The following SIPA1L3 variants were observed in gnomAD, a reference collection of about 807,000 sequenced individuals.
SIPA1L3 encodes signal-induced proliferation-associated 1-like protein 3.
A neutral mutation model predicts 150.1 loss-of-function variants in SIPA1L3; 59 were observed. The observed-to-expected ratio is 0.39, with a 90% confidence interval of 0.32 to 0.49. The LOEUF is 0.49. Among genes scored for constraint, SIPA1L3 ranks in the 20% least tolerant of loss-of-function variants. The pLI is 0.86. For synonymous variants in SIPA1L3, 1,070 were observed against 1,077.6 expected, an observed-to-expected ratio of 0.99 and a Z score of 0.14; for missense variants, 2,211 against 2,489.5, an observed-to-expected ratio of 0.89 and a Z score of 2.38.
chr19:38,129,795 G>A (rs1277172981), intron 9 of SIPA1L3, among the ~76,000 whole-genome samples: 1 of 152,092 alleles, frequency 6.6e-6, no homozygotes, highest in African/African-American at 2.4e-5. Flanking sequence ...GGCTGGGTGT[G>A]GTGGCTCTCA....
chr19:37,991,750 C>T (rs1180033833), intron 1 of SIPA1L3, among the ~76,000 whole-genome samples: 3 of 152,214 alleles, frequency 2.0e-5, no homozygotes, highest in African/African-American at 7.2e-5. Flanking sequence ...TGACCCTCCA[C>T]CTGATGCTTT....
intron 1 of SIPA1L3, among the ~76,000 whole-genome samples, chr19:37,956,489 T>TTG (rs2145564370): frequency 6.8e-6 from 1 of 147,826 alleles, no homozygotes; most frequent in South Asian, 2.2e-4. Context: ...AAAGTTTTGT[T>TTG]TTTTTTTTTT....
At chr19:37,927,737 T>C (rs1236622255) in intron 1 of SIPA1L3, among the ~76,000 whole-genome samples, 2 of 151,874 alleles carry the variant, frequency 1.3e-5, no homozygotes, top group Admixed American at 6.6e-5. Context: ...GGTGTGTGTG[T>C]GTGTGTGTGT....
intron 1 of SIPA1L3, among the ~76,000 whole-genome samples, chr19:37,967,134 A>G (rs1038457902): frequency 1.3e-5 from 2 of 151,884 alleles, no homozygotes; most frequent in African/African-American, 4.8e-5. Context: ...CCCCTCCCTC[A>G]GCTGCTGGTG....
At chr19:38,194,461 C>A (rs1302817799) in intron 18 of SIPA1L3, among the ~76,000 whole-genome samples, 1 of 152,102 alleles carries the variant, frequency 6.6e-6, no homozygotes, top group Non-Finnish European at 1.5e-5. Context: ...TGTTTAGGGT[C>A]CATAGTCCCC....
At chr19:38,161,340 C>CAA (rs952754406) in intron 13 of SIPA1L3, among the ~76,000 whole-genome samples, 24 of 46,266 alleles carry the variant, frequency 5.2e-4, no homozygotes, top group Admixed American at 8.4e-4. Context: ...GACTCCGTCT[C>CAA]AAAAAAAAAA....
chr19:38,085,656 T>A (rs1970112108), intron 3 of SIPA1L3, among the ~76,000 whole-genome samples: 1 of 152,192 alleles, frequency 6.6e-6, no homozygotes, highest in Admixed American at 6.5e-5. Flanking sequence ...TTGTGAACCT[T>A]CGTATACCTG....
intron 2 of SIPA1L3, among the ~76,000 whole-genome samples, chr19:38,068,091 C>T (rs1385235240): frequency 6.7e-6 from 1 of 149,830 alleles, no homozygotes; most frequent in Non-Finnish European, 1.5e-5. Context: ...GGCGCTATCT[C>T]GGCTCACTGC....
At chr19:37,996,187 CAA>C (rs1967635576) in intron 1 of SIPA1L3, among the ~76,000 whole-genome samples, 1 of 152,048 alleles carries the variant, frequency 6.6e-6, no homozygotes, top group African/African-American at 2.4e-5. Flanking sequence ...CTTGGCCAAC[CAA>C]AGTGTTGGGA....
chr19:38,188,526 C>A (rs1372290000), intron 16 of SIPA1L3, among the ~76,000 whole-genome samples: 1 of 152,054 alleles, frequency 6.6e-6, no homozygotes, highest in Non-Finnish European at 1.5e-5. Flanking sequence ...GATGTCCAGT[C>A]CTGTCAGTCA....
chr19:38,028,497 T>G (rs1331299900), intron 1 of SIPA1L3, among the ~76,000 whole-genome samples: 1 of 152,138 alleles, frequency 6.6e-6, no homozygotes, highest in Admixed American at 6.5e-5. Flanking sequence ...GCTCTCCGTT[T>G]AAGGTCACAG....
chr19:38,057,792 AC>A lies in SIPA1L3; in HGVS notation c.-310-23461del, dbSNP rs199603124. On this transcript the variant is annotated intron_variant, in intron 2 of 21. Transcript: ENST00000222345. ...CTCCCGAGTAGCTGGGACTACAGGC[AC>A]CCACCACCACACCTGGCTAATTTTT... is the stretch of plus-strand genomic sequence containing the variant. 4.5e-3 allele frequency among the ~76,000 whole-genome samples: 685 copies of A among 151,698 alleles called. 7 individuals are homozygous for A. Among genetic ancestry groups the A allele is most frequent in the African/African-American group, 0.015 (628 of 41,346 alleles).
Position 38,132,649 on chromosome 19 carries a change from CT to C in SIPA1L3, c.3143+1888del, listed in dbSNP as rs369240780. ...TTTGATTCATGTATCTCTTGAGGCT[CT>C]TTTTTTTTTTGCTTTGAGACAGAGT... On this transcript the variant is annotated intron_variant, in intron 10 of 21. Coordinates refer to ENST00000222345, the MANE Select transcript of SIPA1L3 (RefSeq NM_015073.3). 8.4e-4 allele frequency among the ~76,000 whole-genome samples: 120 copies of C among 142,204 alleles called. 1 individual carries two copies. Among genetic ancestry groups the C allele is most frequent in the South Asian group, 2.1e-3 (9 of 4,390 alleles). The allele number at this position is 142,204 out of a possible 152,430, so 93.3% of individuals were successfully genotyped here.
intron 1 of SIPA1L3, among the ~76,000 whole-genome samples, chr19:37,997,160 G>C (rs1012075765): frequency 6.6e-6 from 1 of 152,094 alleles, no homozygotes; most frequent in South Asian, 2.1e-4. Context: ...AGATACCTTC[G>C]TCTTCTGTAC....
At chr19:38,172,382 G>A (rs1264231417) in intron 15 of SIPA1L3, among the ~76,000 whole-genome samples, 2 of 152,206 alleles carry the variant, frequency 1.3e-5, no homozygotes, top group African/African-American at 2.4e-5. Context: ...TGTGCCAGGT[G>A]TCGCAGCATC....
rs143191000 is a variant in SIPA1L3 at position 37,993,919 on chromosome 19, G to A, written c.-378-35170G>A. 7.5e-3 allele frequency among the ~76,000 whole-genome samples: 1,139 copies of A among 151,768 alleles called. 14 individuals carry two copies. Among genetic ancestry groups the A allele is most frequent in the Middle Eastern group, 0.031 (9 of 290 alleles). On this transcript the variant is annotated intron_variant, in intron 1 of 21. Coordinates refer to ENST00000222345, the MANE Select transcript of SIPA1L3 (RefSeq NM_015073.3). ...TATTTTATTATTTTTTTTTAGAGAC[G>A]GGTCTTGCTCTGTCGCCTAGGCTGG... is the stretch of plus-strand genomic sequence containing the variant.
chr19:38,201,767 C>A, intron 19 of SIPA1L3, 95 bp from the exon 20 acceptor site: 3 of 1,362,726 alleles, frequency 2.2e-6, no homozygotes, highest in Non-Finnish European at 3.0e-6. Flanking sequence ...TGATAGGAGG[C>A]ATCATGGAGG....
chr19:38,006,641 C>T (rs911220244), intron 1 of SIPA1L3, among the ~76,000 whole-genome samples: 1 of 152,168 alleles, frequency 6.6e-6, no homozygotes, highest in Admixed American at 6.5e-5. Context: ...GAGCACAAGG[C>T]GTGCGCACAT....
intron 13 of SIPA1L3, among the ~76,000 whole-genome samples, chr19:38,154,094 T>C (rs755312482): frequency 5.3e-5 from 8 of 152,216 alleles, no homozygotes; most frequent in Non-Finnish European, 1.2e-4. Flanking sequence ...CTTCTCAGCC[T>C]GAGCTTTGCC....
Sources: allele counts gnomAD v4.1 joint callset (sites outside exome capture counted in the v4.1 genomes callset), GRCh38; gene constraint gnomAD v4.1.1; transcripts MANE v1.5; gene names NCBI Gene and HGNC (gene_info 2026-07-23, HGNC 2026-07-21).